Variants in TNKS1BP1 observed in about 807,000 individuals in gnomAD.
The protein encoded by TNKS1BP1 is CCR4-NOT transcription complex subunit 12, also known as 182 kDa tankyrase-1-binding protein.
TNKS1BP1 carries 48 observed loss-of-function variants against 141.1 expected under a neutral mutation model. The ratio of observed to expected loss-of-function variants is 0.34; its 90% CI spans 0.27 to 0.43. The LOEUF (loss-of-function observed/expected upper bound fraction) is 0.43, where lower values mean the gene tolerates loss of function less well. Among genes scored for constraint, TNKS1BP1 ranks in the 20% least tolerant of loss-of-function variants. The pLI is 1.00. For missense variants in TNKS1BP1, 2,149 were observed against 2,226.0 expected, an observed-to-expected ratio of 0.97 and a Z score of 0.70; for synonymous variants, 875 against 898.2, an observed-to-expected ratio of 0.97 and a Z score of 0.46.
rs1013494704 is a variant in TNKS1BP1 at position 57,313,331 on chromosome 11, C to T, written c.1357G>A (p.Gly453Ser). 5.6e-6 allele frequency: 9 copies of T among 1,612,844 alleles called. No homozygotes were observed. In the African/African-American group the frequency reaches 1.1e-4, roughly 19 times the overall value. Residue 453 changes from glycine to serine, a missense_variant, in exon 5 of 12, where the codon GGC becomes AGC. Physicochemically the swap from Gly to Ser is moderately conservative, Grantham distance 56. Transcript: ENST00000358252. ...LGGSLAALPQGQGSQLALDRP... is the reference protein window; with the variant it reads ...LGGSLAALPQSQGSQLALDRP... ...TCCAGGGCCAACTGGCTCCCCTGGCCTTGGGGCAGGGCAGCCAGCGAGCCC... is the reference window on the plus strand; with the variant it reads ...TCCAGGGCCAACTGGCTCCCCTGGCTTTGGGGCAGGGCAGCCAGCGAGCCC...
At chr11:57,300,177 C>G (rs1855504825) in intron 11 of TNKS1BP1, 96 bp from the exon 12 acceptor site, 1 of 239,492 alleles carries the variant, frequency 4.2e-6, no homozygotes, top group African/African-American at 2.3e-5. Flanking sequence ...CCAGCTAAGC[C>G]TGGTCATGGA....
rs555154458 is a variant in TNKS1BP1, at chr11:57,313,304, G to A, written c.1384C>T (p.Arg462Cys). 17 of 1,613,008 alleles carry A rather than the reference G, an allele frequency of 1.1e-5. No homozygotes were observed. The highest frequency in any genetic ancestry group is 3.3e-5 in the Admixed American group (2 of 60,030). ...QGQGSQLALD[R>C]PFGAESNWSL... ...CAGTTGGACTCTGCCCCAAAGGGAC[G>A]ATCCAGGGCCAACTGGCTCCCCTGG... Residue 462 changes from arginine to cysteine, a missense_variant, in exon 5 of 12, where the codon CGT becomes TGT. Coordinates refer to ENST00000358252, the MANE Select transcript of TNKS1BP1 (RefSeq NM_033396.3).
intron 6 of TNKS1BP1, among the ~76,000 whole-genome samples, chr11:57,306,192 C>T (rs1855606796): frequency 6.6e-6 from 1 of 151,582 alleles, no homozygotes; most frequent in African/African-American, 2.4e-5. Flanking sequence ...GCAGGAGAAT[C>T]GCTTGAACCC....
In TNKS1BP1 at chr11:57,310,407, A is replaced by AC; in HGVS notation, c.2303dup (p.Leu769SerfsTer43). ...TGCTGGTCCAGTCCCTCTCTCCGAGACCTGGGTCTCCTCTAGGGCTTGCAC... is the reference window on the plus strand; with the variant it reads ...TGCTGGTCCAGTCCCTCTCTCCGAGACCCTGGGTCTCCTCTAGGGCTTGCAC... On this transcript the variant is annotated frameshift_variant, in exon 6 of 12. Coordinates refer to ENST00000358252, the MANE Select transcript of TNKS1BP1 (RefSeq NM_033396.3). LOFTEE classifies it high-confidence loss of function. 6.2e-7 allele frequency: 1 copy of AC among 1,613,836 alleles called. No individual in the cohort carries two copies. The highest frequency in any genetic ancestry group is 2.2e-5 in the East Asian group (1 of 44,866).
At chr11:57,314,376 C>T (rs979039315) in intron 4 of TNKS1BP1, among the ~76,000 whole-genome samples, 1 of 152,190 alleles carries the variant, frequency 6.6e-6, no homozygotes. Flanking sequence ...GTGGCTACAG[C>T]GTGCAGGGGG....
intron 1 of TNKS1BP1, among the ~76,000 whole-genome samples, chr11:57,322,714 G>A (rs1418499355): frequency 1.3e-5 from 2 of 152,196 alleles, no homozygotes; most frequent in Non-Finnish European, 2.9e-5. Context: ...GCCGGCCCAG[G>A]CCTGGGCTGG....
chr11:57,322,649 G>T (rs1284745018), intron 1 of TNKS1BP1, among the ~76,000 whole-genome samples: 2 of 152,192 alleles, frequency 1.3e-5, no homozygotes, highest in Non-Finnish European at 2.9e-5. Flanking sequence ...TAGTCCTGTT[G>T]CCATAGCAAT....
intron 4 of TNKS1BP1, among the ~76,000 whole-genome samples, chr11:57,314,810 C>A (rs923346825): frequency 6.6e-6 from 1 of 152,112 alleles, no homozygotes; most frequent in Admixed American, 6.5e-5. Context: ...CCCTGGCCGC[C>A]CTCTCCCATG....
intron 3 of TNKS1BP1, among the ~76,000 whole-genome samples, chr11:57,318,940 C>T (rs185835740): frequency 3.5e-4 from 54 of 152,154 alleles, no homozygotes; most frequent in African/African-American, 1.2e-3. Context: ...GTCAGGAGAT[C>T]GAGACCATCC....
chr11:57,313,167 G>A lies in TNKS1BP1; in HGVS notation c.1521C>T (p.Ala507=), dbSNP rs368382943. 4.1e-5 allele frequency: 66 copies of A among 1,612,776 alleles called. 1 individual carries two copies. In the African/African-American group the frequency reaches 4.3e-4, roughly 10 times the overall value. The change falls in exon 5 of 12, where the codon GCC becomes GCT. Residue 507 remains alanine, a synonymous_variant. Coordinates refer to ENST00000358252, the MANE Select transcript of TNKS1BP1 (RefSeq NM_033396.3). ...PSPITEASEA[A]EAAEAGNLAV... The stretch of plus-strand genomic sequence containing the variant: ...CCAAGTTGCCAGCCTCAGCAGCCTC[G>A]GCGGCCTCACTGGCTTCAGTGATGG...
rs1033876258 is a variant in TNKS1BP1, at chr11:57,302,673, C to T, written c.4469G>A (p.Gly1490Asp). The change falls in exon 7 of 12, where the codon GGT becomes GAT. Residue 1490 changes from glycine (G) to aspartate (D), a missense_variant. By Grantham distance (94) the Gly-to-Asp change is moderately conservative. Transcript: ENST00000358252. This position sits in a 1 kb window ranked among gnomAD's most constrained non-coding sequence, Gnocchi z 5.5. ...GLLEEEGAGA[G>D]AAQEEVLEPG... ...CTCCAGCACCTCCTCTTGGGCAGCA[C>T]CTGCCCCGGCTCCTTCCTCCTCCAA... is the stretch of plus-strand genomic sequence containing the variant. 6.8e-6 allele frequency: 11 copies of T among 1,607,862 alleles called. No homozygotes were observed. The highest frequency in any genetic ancestry group is 1.3e-5 in the African/African-American group (1 of 74,864).
At position 57,308,414 on chromosome 11, in the gene TNKS1BP1, C is replaced by T. The variant is rs766732345; in HGVS notation, c.4297G>A (p.Ala1433Thr). 3 of 1,613,874 alleles carry T rather than the reference C, an allele frequency of 1.9e-6. No individual in the cohort carries two copies. The highest frequency in any genetic ancestry group is 2.2e-5 in the East Asian group (1 of 44,874). The change falls in exon 6 of 12, where the codon GCC becomes ACC. Residue 1433 changes from alanine (A) to threonine (T), a missense_variant. Transcript: ENST00000358252. ...PADPGMETGE[A>T]LSFGASPGRC... ...CATTACCTTGCTCCGAAGCTGAGGG[C>T]TTCTCCTGTCTCCATTCCAGGGTCT... is the stretch of plus-strand genomic sequence containing the variant.
rs766087555 is a variant in TNKS1BP1 at position 57,302,690 on chromosome 11, C to T, written c.4452G>A (p.Glu1484=). The part of the protein sequence containing the change: ...AASGLGGLLE[E]EGAGAGAAQE... ...GGGCAGCACCTGCCCCGGCTCCTTC[C>T]TCCTCCAACAGGCCCCCAAGGCCCG... is the stretch of plus-strand genomic sequence containing the variant. Residue 1484 remains glutamate (E), a synonymous_variant, in exon 7 of 12, where the codon GAG becomes GAA. Coordinates refer to ENST00000358252, the MANE Select transcript of TNKS1BP1 (RefSeq NM_033396.3). The surrounding 1 kb of genome is among the most constrained non-coding windows in gnomAD (Gnocchi z 5.5). 11 of 1,606,340 alleles carry T rather than the reference C, an allele frequency of 6.8e-6. No homozygotes were observed. In the East Asian group the frequency reaches 1.6e-4, roughly 23 times the overall value.
At chr11:57,304,741 G>A (rs993707228) in intron 6 of TNKS1BP1, among the ~76,000 whole-genome samples, 1 of 151,518 alleles carries the variant, frequency 6.6e-6, no homozygotes, top group Admixed American at 6.6e-5. Flanking sequence ...ATGGTGGCAG[G>A]CACCTGTAAT....
chr11:57,301,683 G>T (rs141088269), intron 9 of TNKS1BP1, 124 bp downstream of exon 9: 7 of 1,334,766 alleles, frequency 5.2e-6, no homozygotes, highest in Non-Finnish European at 6.2e-6. Flanking sequence ...GGAGAGGAGA[G>T]TGAGAGGAGG....
rs868424963 is a variant in TNKS1BP1 at position 57,322,077 on chromosome 11, G to A, written c.-65-127C>T. ...AGGAAGAGAGAACTTGGAGTGGGGG[G>A]GGGGGGGTAGGAGGAGGTCAAGGGA... On this transcript the variant is annotated intron_variant, in intron 1 of 11. Coordinates refer to ENST00000358252, the MANE Select transcript of TNKS1BP1 (RefSeq NM_033396.3). 52 of 855,406 alleles carry A rather than the reference G, an allele frequency of 6.1e-5. 1 individual carries two copies. The highest frequency in any genetic ancestry group is 2.1e-4 in the African/African-American group (12 of 56,970). The allele number at this position is 855,406 out of a possible 1,614,324, so 53.0% of individuals were successfully genotyped here.
chr11:57,322,075 G>T lies in TNKS1BP1; in HGVS notation c.-65-125C>A, dbSNP rs867533471. ...ACAGGAAGAGAGAACTTGGAGTGGG[G>T]GGGGGGGGGTAGGAGGAGGTCAAGG... is the stretch of plus-strand genomic sequence containing the variant. On this transcript the variant is annotated intron_variant, in intron 1 of 11. Coordinates refer to ENST00000358252, the MANE Select transcript of TNKS1BP1 (RefSeq NM_033396.3). The T allele has an allele frequency of 4.6e-4, 367 of 789,270 alleles. 15 individuals are homozygous for T. The highest frequency in any genetic ancestry group is 9.2e-4 in the East Asian group (25 of 27,086). 48.9% of individuals were successfully genotyped at this position (789,270 alleles called of 1,614,324 possible). A position where few individuals can be genotyped will look rare whatever the true frequency, so the allele number is the denominator to read the frequency against.
chr11:57,320,369 A>T lies in TNKS1BP1; in HGVS notation c.438T>A (p.Pro146=). Residue 146 remains proline, a synonymous_variant, in exon 3 of 12, where the codon CCT becomes CCA. Coordinates refer to ENST00000358252, the MANE Select transcript of TNKS1BP1 (RefSeq NM_033396.3). ...CAAPGGVRKA[P]APFRPASERF... ...GCTCTGAGGCTGGGCGGAAAGGGGC[A>T]GGGGCCTTCCGTACACCCCCTGGGG... is the stretch of plus-strand genomic sequence containing the variant. 1 of 1,614,102 alleles carries T rather than the reference A, an allele frequency of 6.2e-7. No individual in the cohort carries two copies. Among genetic ancestry groups the T allele is most frequent in the East Asian group, 2.2e-5 (1 of 44,884 alleles).
intron 5 of TNKS1BP1, chr11:57,311,457 G>A (rs988653212): frequency 3.9e-5 from 38 of 985,704 alleles, no homozygotes; most frequent in East Asian, 1.1e-4. Context: ...GGACCTGTCC[G>A]ACGGCTCTGG....
Sources: allele counts gnomAD v4.1 joint callset (sites outside exome capture counted in the v4.1 genomes callset), GRCh38; gene constraint gnomAD v4.1.1; non-coding constraint Gnocchi (gnomAD v3.1); transcripts MANE v1.5; gene names NCBI Gene and HGNC (gene_info 2026-07-23, HGNC 2026-07-21).